SLC27A1: variants seen among roughly 807,000 people sequenced by gnomAD.
SLC27A1 encodes long-chain fatty acid transport protein 1.
Under a neutral mutation model 62.2 loss-of-function variants are expected in SLC27A1, and 61 were observed. The ratio of observed to expected loss-of-function variants is 0.98; its 90% confidence interval spans 0.80 to 1.21. The LOEUF (loss-of-function observed/expected upper bound fraction) is 1.21. Among genes scored for constraint, SLC27A1 ranks in the 50% most tolerant of loss-of-function variants. SLC27A1 has a pLI of 0.00. For missense variants in SLC27A1, 903 were observed against 932.1 expected (o/e 0.97, Z 0.41); for synonymous variants, 435 against 408.6 (o/e 1.06, Z -0.78).
In SLC27A1 at chr19:17,500,396, G is replaced by A; in HGVS notation, c.1325G>A (p.Cys442Tyr). The A allele has an allele frequency of 6.2e-7, 1 of 1,613,830 alleles. No individual in the cohort carries two copies. Among genetic ancestry groups the A allele is most frequent in the Admixed American group, 1.7e-5 (1 of 59,998 alleles). Residue 442 changes from cysteine to tyrosine, a missense_variant, in exon 8 of 12, where the codon TGC becomes TAC. By Grantham distance (194) the Cys-to-Tyr change is radical (BLOSUM62 -2). Transcript: ENST00000252595. Reference protein sequence around the residue: ...LRDAQGLCIPCQAGEPGLLVG... With the variant: ...LRDAQGLCIPYQAGEPGLLVG... ...GATGCCCAGGGCCTCTGCATCCCCT[G>A]CCAGGCCGGTGAGCAGGGCCCCCGC...
rs759154679 is a variant in SLC27A1, at chr19:17,504,506, G to A, written c.1835G>A (p.Arg612His). ...TRLQREGFDP[R>H]QTSDRLFFLD... The stretch of plus-strand genomic sequence containing the variant: ...CTGCAGCGAGAGGGCTTTGACCCAC[G>A]CCAGACCTCAGACCGGCTCTTCTTC... The change falls in exon 12 of 12, where the codon CGC becomes CAC. Residue 612 changes from arginine (R) to histidine (H), a missense_variant. Arg to His is a conservative substitution (Grantham distance 29, BLOSUM62 0). Transcript: ENST00000252595. The A allele has an allele frequency of 2.8e-5, 45 of 1,614,044 alleles. No homozygotes were observed. Among genetic ancestry groups the A allele is most frequent in the South Asian group, 2.1e-4 (19 of 91,090 alleles).
chr19:17,470,809 G>T, intron 1 of SLC27A1, 102 bp downstream of exon 1: 1 of 955,954 alleles, frequency 1.0e-6, no homozygotes, highest in Non-Finnish European at 1.4e-6. Flanking sequence ...AGGGTCCGGA[G>T]AGCTGAGGGT....
chr19:17,475,046 C>G (rs1210760440), intron 1 of SLC27A1, among the ~76,000 whole-genome samples: 1 of 151,934 alleles, frequency 6.6e-6, no homozygotes, highest in Non-Finnish European at 1.5e-5. Flanking sequence ...TCCCGAGTAG[C>G]TGGGATTACA....
chr19:17,481,116 G>C (rs892485062), intron 1 of SLC27A1, among the ~76,000 whole-genome samples: 1 of 151,566 alleles, frequency 6.6e-6, no homozygotes, highest in African/African-American at 2.4e-5. Flanking sequence ...GTTGAGACAG[G>C]GTTTCTCCAT....
intron 1 of SLC27A1, among the ~76,000 whole-genome samples, chr19:17,481,000 A>T (rs1433931684): frequency 6.7e-6 from 1 of 150,370 alleles, no homozygotes; most frequent in African/African-American, 2.5e-5. Flanking sequence ...ATCTCGGCTC[A>T]CCGCAACCTC....
chr19:17,473,759 G>A (rs183378263), intron 1 of SLC27A1, among the ~76,000 whole-genome samples: 3 of 152,232 alleles, frequency 2.0e-5, no homozygotes, highest in Non-Finnish European at 4.4e-5. Flanking sequence ...CTACTTGGGA[G>A]TCTGAGGCAA....
chr19:17,479,885 C>G (rs193022378), intron 1 of SLC27A1, among the ~76,000 whole-genome samples: 2 of 152,262 alleles, frequency 1.3e-5, no homozygotes, highest in Admixed American at 1.3e-4. Flanking sequence ...CTCAAGTGAT[C>G]TGCCCACCTT....
At position 17,504,903 on chromosome 19, in the gene SLC27A1, T is replaced by C. The variant is rs1369314838; in HGVS notation, c.*291T>C. The C allele has an allele frequency of 1.8e-6, 1 of 560,342 alleles. No individual in the cohort carries two copies. Among genetic ancestry groups the C allele is most frequent in the East Asian group, 4.1e-5 (1 of 24,164 alleles). 34.7% of individuals were successfully genotyped at this position (560,342 alleles called of 1,614,324 possible). On this transcript the variant is annotated 3_prime_UTR_variant, in exon 12 of 12. Transcript: ENST00000252595. ...TTTTTCTTTTCTTTCTTTCTTTCTTTTTTTTTTAAGATAGAGTCTCACTCT... is the reference window on the plus strand; with the variant it reads ...TTTTTCTTTTCTTTCTTTCTTTCTTCTTTTTTTAAGATAGAGTCTCACTCT...
At chr19:17,480,373 TTC>T (rs1196787537) in intron 1 of SLC27A1, among the ~76,000 whole-genome samples, 13 of 150,792 alleles carry the variant, frequency 8.6e-5, no homozygotes, top group Non-Finnish European at 1.8e-4. Flanking sequence ...TGTCATTTCT[TTC>T]TCTTTTTTTT....
chr19:17,500,932 A>G, intron 10 of SLC27A1, 56 bp downstream of exon 10: 1 of 1,515,216 alleles, frequency 6.6e-7, no homozygotes, highest in Non-Finnish European at 8.8e-7. Flanking sequence ...GAGCTCAGCC[A>G]AAAGGGGCTT....
intron 11 of SLC27A1, among the ~76,000 whole-genome samples, chr19:17,503,806 C>A (rs2075443446): frequency 6.6e-6 from 1 of 151,670 alleles, no homozygotes; most frequent in Middle Eastern, 3.4e-3. Context: ...GTGGTGCACG[C>A]CTATAATCCC....
In SLC27A1 at chr19:17,486,502, C is replaced by A; in HGVS notation, c.168-61C>A. On this transcript the variant is annotated intron_variant, in intron 1 of 11. Transcript: ENST00000252595. This position sits in a 1 kb window ranked among gnomAD's most constrained non-coding sequence, Gnocchi z 6.6. ...GGGTCCTCCAGCGGGGAGGCTGAGG[C>A]TCCCAGAGGCCAGGCGGGGCAGGGC... The A allele has an allele frequency of 6.7e-7, 1 of 1,493,304 alleles. No individual in the cohort carries two copies. Among genetic ancestry groups the A allele is most frequent in the Non-Finnish European group, 8.9e-7 (1 of 1,123,056 alleles). The allele number at this position is 1,493,304 out of a possible 1,614,324, so 92.5% of individuals were successfully genotyped here. A position where few individuals can be genotyped will look rare whatever the true frequency, so the allele number is the denominator to read the frequency against.
chr19:17,471,730 G>T (rs1185811443), intron 1 of SLC27A1, among the ~76,000 whole-genome samples: 1 of 152,094 alleles, frequency 6.6e-6, no homozygotes, highest in Non-Finnish European at 1.5e-5. Context: ...ACCGTAAGTT[G>T]ACTGGTTCTG....
At chr19:17,483,483 C>A (rs1660435829) in intron 1 of SLC27A1, among the ~76,000 whole-genome samples, 1 of 152,080 alleles carries the variant, frequency 6.6e-6, no homozygotes, top group South Asian at 2.1e-4. Flanking sequence ...GAAGTATTGT[C>A]ACTAGGAGTT....
chr19:17,501,445 C>T, intron 11 of SLC27A1, 26 bp downstream of exon 11: 1 of 1,601,092 alleles, frequency 6.2e-7, no homozygotes, highest in Non-Finnish European at 8.5e-7. Flanking sequence ...ACTCCAATCT[C>T]TCTCTTCATC....
chr19:17,490,628 T>G (rs1568418346), intron 6 of SLC27A1, among the ~76,000 whole-genome samples: 1 of 152,070 alleles, frequency 6.6e-6, no homozygotes, highest in African/African-American at 2.4e-5. Context: ...AAAGCATCCC[T>G]CAGACGGCAT....
intron 4 of SLC27A1, among the ~76,000 whole-genome samples, chr19:17,488,273 C>T (rs1412088112): frequency 6.6e-6 from 1 of 152,166 alleles, no homozygotes; most frequent in Admixed American, 6.5e-5. Context: ...GCAGGAGAAT[C>T]GCTTGAACCC....
chr19:17,471,336 G>C (rs1354264658), intron 1 of SLC27A1, among the ~76,000 whole-genome samples: 1 of 152,082 alleles, frequency 6.6e-6, no homozygotes, highest in African/African-American at 2.4e-5. Flanking sequence ...GTGGGACTTT[G>C]GGTTTGGGAG....
chr19:17,469,930 C>A (rs1362552500), upstream of SLC27A1, among the ~76,000 whole-genome samples: 1 of 79,102 alleles, frequency 1.3e-5, no homozygotes, highest in Non-Finnish European at 2.5e-5. Flanking sequence ...TATGTCTAAC[C>A]TAGGGGGTGG....
Sources: gnomAD v4.1 joint callset for allele counts (sites outside exome capture counted in the v4.1 genomes callset) on GRCh38, gnomAD v4.1.1 for gene constraint, Gnocchi (gnomAD v3.1) non-coding constraint, MANE v1.5 for transcripts, NCBI Gene and HGNC (gene_info 2026-07-23, HGNC 2026-07-21) for gene names.